Variants in MIER3 observed in about 807,000 individuals in gnomAD.
MIER3 encodes MIER family member 3, also known as mesoderm induction early response protein 3.
MIER3 carries 9 observed loss-of-function variants against 63.2 expected under a neutral mutation model. That is an observed-to-expected ratio of 0.14 (90% confidence interval 0.09 to 0.25). The LOEUF is 0.25. MIER3 is among the 10% of genes least tolerant of loss of function. The probability of loss-of-function intolerance (pLI) is 1.00; values close to 1 mark genes in which losing one functional copy is unlikely to be tolerated. For missense variants in MIER3, 512 were observed against 666.2 expected (o/e 0.77, Z 2.55); for synonymous variants, 205 against 224.9 (o/e 0.91, Z 0.79).
chr5:56,937,804 G>A, intron 4 of MIER3, 106 bp from the exon 5 acceptor site: 1 of 871,464 alleles, frequency 1.1e-6, no homozygotes, highest in South Asian at 4.3e-5. Flanking sequence ...GGAACCTTAT[G>A]AGAGAAATAT....
At position 56,938,964 on chromosome 5, in the gene MIER3, T is replaced by G; in HGVS notation, c.234A>C (p.Thr78=). The G allele has an allele frequency of 6.2e-7, 1 of 1,614,170 alleles. No homozygotes were observed. Among genetic ancestry groups the G allele is most frequent in the Non-Finnish European group, 8.5e-7 (1 of 1,179,986 alleles). Residue 78 remains threonine (T), a synonymous_variant, in exon 4 of 13, where the codon ACA becomes ACC. Transcript: ENST00000381199. ...CACTGGAATTTGCAACTGCTGGAAT[T>G]GTAGGTTCATAGCCATAGAATGCCA... ...DLLAFYGYEP[T]IPAVANSSAN... is the part of the protein sequence containing the mutation.
Position 56,933,387 on chromosome 5 carries a change from C to T in MIER3, c.607G>A (p.Glu203Lys), listed in dbSNP as rs750710029. ...YDGNEKVYENEDQLLWCPDVV... is the reference protein window; with the variant it reads ...YDGNEKVYENKDQLLWCPDVV... Reference sequence around the variant, plus strand: ...TCAGGACACCAAAGTAACTGGTCTTCGTTTTCATATACTGATAAAGAAAAT... The same window carrying T: ...TCAGGACACCAAAGTAACTGGTCTTTGTTTTCATATACTGATAAAGAAAAT... The change falls in exon 8 of 13, where the codon GAA becomes AAA. Residue 203 changes from glutamate (E) to lysine (K), a missense_variant. Glu to Lys is a moderately conservative substitution (Grantham distance 56). Around this residue, in one of 5 missense-constraint regions of MIER3, gnomAD observed 118 missense variants for 133.6 expected, o/e 0.88. Coordinates refer to ENST00000381199, the MANE Select transcript of MIER3 (RefSeq NM_001297599.2). The T allele has an allele frequency of 1.7e-5, 27 of 1,609,146 alleles. No homozygotes were observed. Among genetic ancestry groups the T allele is most frequent in the South Asian group, 3.3e-5 (3 of 90,130 alleles).
Position 56,924,024 on chromosome 5 carries a change from CA to C in MIER3, c.942del (p.Ala315LeufsTer4). ...ATATAGTAGAATGCTACACACTCAG[CA>C]ACTGTCCTAGTTCTCACCTAATGAA... ...IQKNKVRTRT[V>X]AECVAFYYMW... On this transcript the variant is annotated frameshift_variant, in exon 11 of 13. Transcript: ENST00000381199. LOFTEE classifies it high-confidence loss of function. 1 of 1,613,454 alleles carries C rather than the reference CA, an allele frequency of 6.2e-7. No individual in the cohort carries two copies. The highest frequency in any genetic ancestry group is 8.5e-7 in the Non-Finnish European group (1 of 1,179,802).
intron 2 of MIER3, 76 bp from the exon 3 acceptor site, chr5:56,947,147 C>A (rs891629024): frequency 1.2e-5 from 17 of 1,424,778 alleles, no homozygotes; most frequent in Non-Finnish European, 1.3e-5. Flanking sequence ...TTGTGTTCTT[C>A]TGCCAGTCCC....
intron 9 of MIER3, 69 bp downstream of exon 9, chr5:56,930,595 C>A (rs1750227282): frequency 7.8e-7 from 1 of 1,285,776 alleles, no homozygotes; most frequent in African/African-American, 1.5e-5. Context: ...CCTTAGGATA[C>A]TTTGCTTATT....
Position 56,947,008 on chromosome 5 carries a change from T to A in MIER3, c.98A>T (p.Tyr33Phe). ...DPTAEMLVHD[Y>F]DDERTLEEEE... is the part of the protein sequence containing the mutation. ...TTCTTCAAGAGTTCTTTCATCATCA[T>A]AGTCATGGACCAACATCTCAGCAGT... The change falls in exon 3 of 13, where the codon TAT becomes TTT. Residue 33 changes from tyrosine (Y) to phenylalanine (F), a missense_variant. Transcript: ENST00000381199. 6.2e-7 allele frequency: 1 copy of A among 1,610,454 alleles called. No individual in the cohort carries two copies. The highest frequency in any genetic ancestry group is 8.5e-7 in the Non-Finnish European group (1 of 1,178,852).
chr5:56,923,328 C>T lies in MIER3; in HGVS notation c.1453G>A (p.Gly485Ser). Residue 485 changes from glycine (G) to serine (S), a missense_variant, in exon 13 of 13, where the codon GGC (glycine) becomes AGC (serine). Physicochemically the swap from Gly to Ser is moderately conservative, Grantham distance 56. Coordinates refer to ENST00000381199, the MANE Select transcript of MIER3 (RefSeq NM_001297599.2). Reference sequence around the variant, plus strand: ...ATAAAGGATTCAGGGACGGCAATGCCCATTTTCAATCTTTTTGCTGGTCTC... The same window carrying T: ...ATAAAGGATTCAGGGACGGCAATGCTCATTTTCAATCTTTTTGCTGGTCTC... ...SERPAKRLKM[G>S]IAVPESFMNE... The T allele has an allele frequency of 6.2e-7, 1 of 1,614,130 alleles. No homozygotes were observed. Among genetic ancestry groups the T allele is most frequent in the Non-Finnish European group, 8.5e-7 (1 of 1,180,024 alleles).
chr5:56,923,844 C>A lies in MIER3; in HGVS notation c.1053-11G>T, dbSNP rs373281580. On this transcript the variant is annotated splice_polypyrimidine_tract_variant and intron_variant, in intron 11 of 12. Coordinates refer to ENST00000381199, the MANE Select transcript of MIER3 (RefSeq NM_001297599.2). ...CGATCCATATAGTCCCTGAAAAACA[C>A]ACCCCAGTAATTTTATGACTATATA... The A allele has an allele frequency of 3.5e-4, 561 of 1,613,990 alleles. 1 individual carries two copies. The highest frequency in any genetic ancestry group is 4.7e-4 in the Non-Finnish European group (554 of 1,180,004).
Position 56,923,685 on chromosome 5 carries a change from T to C in MIER3, c.1195+6A>G, listed in dbSNP as rs201609880. 2 of 1,614,184 alleles carry C rather than the reference T, an allele frequency of 1.2e-6. No individual in the cohort carries two copies. Among genetic ancestry groups the C allele is most frequent in the African/African-American group, 1.3e-5 (1 of 75,048 alleles). ...TGTACTAAATGCAGAAAGGTCTTCA[T>C]TTTACCTGTCAAGTCACTGGCAGTG... On this transcript the variant is annotated splice_donor_region_variant and intron_variant, in intron 12 of 12. Transcript: ENST00000381199.
intron 9 of MIER3, 26 bp from the exon 10 acceptor site, chr5:56,928,887 T>C (rs252893): frequency 0.73 from 1,150,880 of 1,582,080 alleles, 421,967 homozygotes; most frequent in Non-Finnish European, 0.75. Context: ...AAATAAAATT[T>C]ATGGGCCCCC....
chr5:56,934,895 T>C lies in MIER3; in HGVS notation c.595+533A>G, dbSNP rs186542945. Among the ~76,000 whole-genome samples, 10 of 152,294 alleles carry C rather than the reference T, an allele frequency of 6.6e-5. No individual in the cohort carries two copies. The East Asian group carries it at 1.9e-3, about 29-fold the overall frequency. On this transcript the variant is annotated intron_variant, in intron 7 of 12. Transcript: ENST00000381199. ...CCTACTACCTTATCCCCTCCATATT[T>C]TGAAAACCAACTACAGTTGGAATGC...
intron 1 of MIER3, among the ~76,000 whole-genome samples, chr5:56,951,496 G>A (rs963345996): frequency 2.0e-5 from 3 of 152,180 alleles, no homozygotes; most frequent in Non-Finnish European, 4.4e-5. Context: ...AGGGGCTCCC[G>A]CACCTCCCGG....
At chr5:56,937,496 C>A in intron 5 of MIER3, 82 bp downstream of exon 5, 2 of 1,294,662 alleles carry the variant, frequency 1.5e-6, no homozygotes, top group South Asian at 1.8e-5. Flanking sequence ...AATATTCTGA[C>A]ACAAATTACT....
chr5:56,932,575 G>C (rs1445380488), intron 8 of MIER3, among the ~76,000 whole-genome samples: 2 of 152,012 alleles, frequency 1.3e-5, no homozygotes, highest in Admixed American at 6.6e-5. Flanking sequence ...AGTGATAAAA[G>C]CATATGAAAG....
intron 3 of MIER3, among the ~76,000 whole-genome samples, chr5:56,944,382 G>A (rs1422224297): frequency 6.6e-6 from 1 of 152,046 alleles, no homozygotes; most frequent in Admixed American, 6.5e-5. Flanking sequence ...TCAGGAAGCT[G>A]AGGCAGGAGA....
At chr5:56,927,990 T>C (rs1202506338) in intron 10 of MIER3, 1 of 152,230 alleles carries the variant, frequency 6.6e-6, no homozygotes, top group African/African-American at 2.4e-5. Flanking sequence ...TCAGATTGGC[T>C]TCCTTCACTT....
At chr5:56,933,216 G>T in intron 8 of MIER3, 31 bp downstream of exon 8, 1 of 1,540,832 alleles carries the variant, frequency 6.5e-7, no homozygotes, top group Non-Finnish European at 8.7e-7. Flanking sequence ...ACTGTAAACT[G>T]GCTGCTGTTT....
At chr5:56,937,092 T>C (rs1388558702) in intron 5 of MIER3, among the ~76,000 whole-genome samples, 1 of 151,578 alleles carries the variant, frequency 6.6e-6, no homozygotes, top group Non-Finnish European at 1.5e-5. Context: ...TTATTATTAT[T>C]GAGACAGAAT....
intron 3 of MIER3, among the ~76,000 whole-genome samples, chr5:56,944,280 G>A (rs1464080644): frequency 1.3e-5 from 2 of 151,832 alleles, no homozygotes; most frequent in Non-Finnish European, 2.9e-5. Context: ...GACCATCCTG[G>A]CTAACACGGT....
Sources: allele counts gnomAD v4.1 joint callset (sites outside exome capture counted in the v4.1 genomes callset), GRCh38; gene constraint gnomAD v4.1.1; regional missense constraint gnomAD v4.1.1; transcripts MANE v1.5; gene names NCBI Gene and HGNC (gene_info 2026-07-23, HGNC 2026-07-21).